The following SLC8A2 variants were observed in gnomAD, a reference collection of about 807,000 sequenced individuals.
The protein encoded by SLC8A2 is sodium/calcium exchanger 2.
Under a neutral mutation model 70.2 loss-of-function variants are expected in SLC8A2, and 14 were observed. The ratio of observed to expected loss-of-function variants is 0.20; its 90% CI spans 0.13 to 0.31. The LOEUF (loss-of-function observed/expected upper bound fraction) is 0.31. Ranked by LOEUF, SLC8A2 falls within the 10% of genes least tolerant of loss-of-function variation. The pLI is 1.00. For synonymous variants in SLC8A2, 575 were observed against 594.3 expected, an observed-to-expected ratio of 0.97 and a Z score of 0.47; for missense variants, 779 against 1,320.1, an observed-to-expected ratio of 0.59 and a Z score of 6.35.
At chr19:47,471,728 C>A (rs1967543682) in intron 1 of SLC8A2, 61 bp downstream of exon 1, 1 of 152,260 alleles carries the variant, frequency 6.6e-6, no homozygotes, top group Non-Finnish European at 1.5e-5. Flanking sequence ...CCCCACTCCG[C>A]ACCTGGGGTA....
Position 47,466,801 on chromosome 19 carries a change from C to CG in SLC8A2, c.-16-383_-16-382insC. On this transcript the variant is annotated intron_variant, in intron 1 of 9. Coordinates refer to ENST00000236877, the MANE Select transcript of SLC8A2 (RefSeq NM_015063.3). This position sits in a 1 kb window ranked among gnomAD's most constrained non-coding sequence, Gnocchi z 6.9. ...GTTCATAGCAGGCCGGGTGCGGTGG[C>CG]TACGCCTGTAATCCCTGAACTTTGG... Among the ~76,000 whole-genome samples, 1 of 152,142 alleles carries CG rather than the reference C, an allele frequency of 6.6e-6. No individual in the cohort carries two copies. The highest frequency in any genetic ancestry group is 1.5e-5 in the Non-Finnish European group (1 of 68,024).
At position 47,430,635 on chromosome 19, in the gene SLC8A2, C is replaced by G. The variant is rs982655349; in HGVS notation, c.2390-170G>C. Among the ~76,000 whole-genome samples, 4 of 152,258 alleles carry G rather than the reference C, an allele frequency of 2.6e-5. No individual in the cohort carries two copies. Among genetic ancestry groups the G allele is most frequent in the Non-Finnish European group, 1.5e-5 (1 of 68,044 alleles). On this transcript the variant is annotated intron_variant, in intron 9 of 9. Transcript: ENST00000236877. The surrounding 1 kb of genome is among the most constrained non-coding windows in gnomAD (Gnocchi z 5.9). ...GCAAAGTCCATCACCACCTTTAGGC[C>G]TGCTCGCCACTGGAACCGCTGCCGG...
chr19:47,457,900 G>A (rs1967335468), intron 2 of SLC8A2, among the ~76,000 whole-genome samples: 1 of 149,944 alleles, frequency 6.7e-6, no homozygotes, highest in Non-Finnish European at 1.5e-5. Context: ...GTGCAGTGGT[G>A]CAGCCTCGGC....
chr19:47,463,560 C>T (rs1420310928), intron 2 of SLC8A2, among the ~76,000 whole-genome samples: 2 of 150,052 alleles, frequency 1.3e-5, no homozygotes, highest in East Asian at 2.0e-4. Flanking sequence ...GACAAAACCC[C>T]GTCTCTACTA....
intron 3 of SLC8A2, among the ~76,000 whole-genome samples, chr19:47,452,405 A>ATG: frequency 2.2e-4 from 12 of 54,044 alleles, no homozygotes; most frequent in African/African-American, 7.9e-4. Context: ...ATGGAGAGAG[A>ATG]GAGAGAGAGA....
Position 47,429,534 on chromosome 19 carries a change from C to T in SLC8A2, c.*555G>A, listed in dbSNP as rs1333254832. 1 of 154,426 alleles carries T rather than the reference C, an allele frequency of 6.5e-6. No homozygotes were observed. Among genetic ancestry groups the T allele is most frequent in the African/African-American group, 2.4e-5 (1 of 41,468 alleles). 9.6% of individuals were successfully genotyped at this position (154,426 alleles called of 1,614,324 possible). Reference sequence around the variant, plus strand: ...AGGAACGGTGTGCGGCCTCCTTGCGCGCACACCCACCCGCTCCTCCCCGCC... The same window carrying T: ...AGGAACGGTGTGCGGCCTCCTTGCGTGCACACCCACCCGCTCCTCCCCGCC... On this transcript the variant is annotated 3_prime_UTR_variant, in exon 10 of 10. Transcript: ENST00000236877.
intron 8 of SLC8A2, among the ~76,000 whole-genome samples, chr19:47,435,230 T>C (rs1967011828): frequency 6.6e-6 from 1 of 151,882 alleles, no homozygotes; most frequent in African/African-American, 2.4e-5. Context: ...AAAAAAGACA[T>C]GATAGGGTCA....
rs1967097621 is a variant in SLC8A2 at position 47,441,392 on chromosome 19, C to T, written c.1812G>A (p.Lys604=). ...GGCCCAGCTCAATGAAGAAATTATC[C>T]TTTTTCTCATATTCCTCGTCATCAA... ...KIVDDEEYEK[K]DNFFIELGQP... Residue 604 remains lysine, a synonymous_variant, in exon 5 of 10, where the codon AAG becomes AAA. Transcript: ENST00000236877. 6.2e-6 allele frequency: 10 copies of T among 1,613,898 alleles called. No individual in the cohort carries two copies. Among genetic ancestry groups the T allele is most frequent in the Non-Finnish European group, 8.5e-6 (10 of 1,179,910 alleles).
rs1295438874 is a variant in SLC8A2 at position 47,429,866 on chromosome 19, C to G, written c.*223G>C. On this transcript the variant is annotated 3_prime_UTR_variant, in exon 10 of 10. Transcript: ENST00000236877. ...CAGGATGGGCTGGAGTTGGGGTCAC[C>G]GCAGGGGAGGAACCGGGGAGGCTCC... 1.7e-6 allele frequency: 1 copy of G among 596,832 alleles called. No homozygotes were observed. The highest frequency in any genetic ancestry group is 3.0e-6 in the Non-Finnish European group (1 of 337,896). The allele number at this position is 596,832 out of a possible 1,614,324, so 37.0% of individuals were successfully genotyped here.
Position 47,447,801 on chromosome 19 carries a change from G to A in SLC8A2, c.1763+8C>T, listed in dbSNP as rs764099070. On this transcript the variant is annotated splice_region_variant and intron_variant, in intron 4 of 9. Coordinates refer to ENST00000236877, the MANE Select transcript of SLC8A2 (RefSeq NM_015063.3). This position sits in a 1 kb window ranked among gnomAD's most constrained non-coding sequence, Gnocchi z 5.1. ...CGCCCCTCTCCGGGCCGCCTCGGGC[G>A]TGCTCACATGGTCTCGTCGTCGCCA... 3 of 1,580,864 alleles carry A rather than the reference G, an allele frequency of 1.9e-6. No individual in the cohort carries two copies. The highest frequency in any genetic ancestry group is 2.6e-6 in the Non-Finnish European group (3 of 1,172,754).
At chr19:47,439,822 C>T (rs1308420824) in intron 6 of SLC8A2, among the ~76,000 whole-genome samples, 1 of 152,078 alleles carries the variant, frequency 6.6e-6, no homozygotes, top group Non-Finnish European at 1.5e-5. Context: ...CACCACCATG[C>T]CCGGCTAATT....
intron 2 of SLC8A2, among the ~76,000 whole-genome samples, chr19:47,459,508 CTGTG>C (rs913882014): frequency 2.0e-5 from 3 of 152,160 alleles, no homozygotes; most frequent in African/African-American, 7.2e-5. Context: ...CTCCCCATCT[CTGTG>C]TGTGTGCACG....
At chr19:47,442,921 G>C (rs1270072417) in intron 4 of SLC8A2, among the ~76,000 whole-genome samples, 2 of 152,114 alleles carry the variant, frequency 1.3e-5, no homozygotes, top group Non-Finnish European at 2.9e-5. Context: ...GCCCTCAAGT[G>C]ATCCTCCCAT....
At chr19:47,452,249 C>G (rs1362955958) in intron 3 of SLC8A2, among the ~76,000 whole-genome samples, 1 of 152,086 alleles carries the variant, frequency 6.6e-6, no homozygotes, top group East Asian at 1.9e-4. Context: ...GATTCTGGCT[C>G]TGTCATCCAG....
Position 47,467,395 on chromosome 19 carries a change from C to T in SLC8A2, c.-16-976G>A, listed in dbSNP as rs145208141. On this transcript the variant is annotated intron_variant, in intron 1 of 9. Transcript: ENST00000236877. ...CTCTTGCTCAGGATTTGGGCTGTGG[C>T]GGGTGTTGGGCCGTGTTTGTCTGTT... Among the ~76,000 whole-genome samples, 208 of 152,202 alleles carry T rather than the reference C, an allele frequency of 1.4e-3. 2 individuals carry two copies. Among genetic ancestry groups the T allele is most frequent in the African/African-American group, 4.6e-3 (191 of 41,522 alleles).
At chr19:47,443,285 G>A (rs564406539) in intron 4 of SLC8A2, among the ~76,000 whole-genome samples, 1 of 152,212 alleles carries the variant, frequency 6.6e-6, no homozygotes, top group South Asian at 2.1e-4. Context: ...CTGCTCCTAT[G>A]GTAACCAGGG....
chr19:47,465,960 G>A lies in SLC8A2; in HGVS notation c.444C>T (p.Ile148=), dbSNP rs376530805. 115 of 1,613,970 alleles carry A rather than the reference G, an allele frequency of 7.1e-5. No homozygotes were observed. Among genetic ancestry groups the A allele is most frequent in the Middle Eastern group, 4.9e-4 (3 of 6,084 alleles). The change falls in exon 2 of 10, where the codon ATC becomes ATT. Residue 148 remains isoleucine, a synonymous_variant. Transcript: ENST00000236877. The surrounding 1 kb of genome is among the most constrained non-coding windows in gnomAD (Gnocchi z 5.5). ...CCTGGAAGTTGTGGCCGCAGACTTCGATGACTGACAGCAGGATCTCAGGTG... is the reference window on the plus strand; with the variant it reads ...CCTGGAAGTTGTGGCCGCAGACTTCAATGACTGACAGCAGGATCTCAGGTG... ...SSAPEILLSV[I]EVCGHNFQAG...
chr19:47,442,258 A>G, intron 4 of SLC8A2, among the ~76,000 whole-genome samples: 1 of 152,162 alleles, frequency 6.6e-6, no homozygotes, highest in East Asian at 1.9e-4. Context: ...CTGCTAAACA[A>G]TCCCATGCTT....
At chr19:47,464,988 G>A in intron 2 of SLC8A2, among the ~76,000 whole-genome samples, 1 of 152,208 alleles carries the variant, frequency 6.6e-6, no homozygotes, top group East Asian at 1.9e-4. Context: ...AATAAATTAT[G>A]CAAAGTGGTC....
Sources: gnomAD v4.1 joint callset for allele counts (sites outside exome capture counted in the v4.1 genomes callset) on GRCh38, gnomAD v4.1.1 for gene constraint, Gnocchi (gnomAD v3.1) non-coding constraint, MANE v1.5 for transcripts, NCBI Gene and HGNC (gene_info 2026-07-23, HGNC 2026-07-21) for gene names.